The following GALNT13 variants were observed in gnomAD, a reference collection of about 807,000 sequenced individuals.
GALNT13 encodes the protein UDP-GalNAc:polypeptide N-acetylgalactosaminyltransferase 13.
In GALNT13, 28 loss-of-function variants were observed where a neutral mutation model predicts 64.2. The observed-to-expected ratio is 0.44, with a 90% CI of 0.32 to 0.60. GALNT13 has a LOEUF of 0.60. GALNT13 is among the 20% of genes least tolerant of loss of function. The pLI is 0.05. For missense variants in GALNT13, 577 were observed against 669.8 expected, an observed-to-expected ratio of 0.86 and a Z score of 1.53; for synonymous variants, 214 against 224.6, an observed-to-expected ratio of 0.95 and a Z score of 0.42.
At chr2:153,654,269 T>G in the GALNT13 span, among the ~76,000 whole-genome samples, 1 of 152,124 alleles carries the variant, frequency 6.6e-6, no homozygotes, top group Non-Finnish European at 1.5e-5. Flanking sequence ...ATTTAAATAG[T>G]CTTATAAGAC....
chr2:153,737,044 C>T, the GALNT13 span, among the ~76,000 whole-genome samples: 2 of 152,192 alleles, frequency 1.3e-5, no homozygotes, highest in African/African-American at 2.4e-5. Flanking sequence ...GTTCTATCAT[C>T]GGGCTGGCAC....
At chr2:153,970,703 A>T (rs1693682272) in intron 3 of GALNT13, among the ~76,000 whole-genome samples, 1 of 152,268 alleles carries the variant, frequency 6.6e-6, no homozygotes, top group African/African-American at 2.4e-5. Flanking sequence ...CTCATCTTTC[A>T]TCAAAAGCTT....
chr2:153,886,334 G>A (rs763287155), intron 1 of GALNT13, among the ~76,000 whole-genome samples: 5 of 151,616 alleles, frequency 3.3e-5, no homozygotes, highest in Non-Finnish European at 7.4e-5. Context: ...TTAACATTAG[G>A]TATATCTCCT....
chr2:153,393,846 C>T, the GALNT13 span, among the ~76,000 whole-genome samples: 1 of 151,944 alleles, frequency 6.6e-6, no homozygotes, highest in Non-Finnish European at 1.5e-5. Context: ...TTCCCTGGGT[C>T]TCCATCCTGC....
chr2:153,967,299 A>T (rs1270430579), intron 3 of GALNT13, among the ~76,000 whole-genome samples: 1 of 152,078 alleles, frequency 6.6e-6, no homozygotes, highest in Non-Finnish European at 1.5e-5. Flanking sequence ...ATGTTTGTTG[A>T]TATCTGGGCA....
At chr2:153,245,889 C>CT in the GALNT13 span, among the ~76,000 whole-genome samples, 1 of 151,932 alleles carries the variant, frequency 6.6e-6, no homozygotes, top group Non-Finnish European at 1.5e-5. Flanking sequence ...TGCAAGCAGG[C>CT]TAAGAATCTT....
At chr2:154,389,940 G>C (rs964194582) in intron 9 of GALNT13, among the ~76,000 whole-genome samples, 4 of 152,154 alleles carry the variant, frequency 2.6e-5, no homozygotes, top group African/African-American at 7.2e-5. Context: ...TCACTGTCCA[G>C]ATGCAGTGAT....
intron 4 of GALNT13, among the ~76,000 whole-genome samples, chr2:154,166,787 T>G (rs1012730621): frequency 7.2e-5 from 11 of 152,288 alleles, no homozygotes; most frequent in South Asian, 4.1e-4. Context: ...CCATGGAATA[T>G]TATGCAGCCA....
At chr2:154,227,638 T>A (rs1685439126) in intron 4 of GALNT13, among the ~76,000 whole-genome samples, 1 of 151,612 alleles carries the variant, frequency 6.6e-6, no homozygotes, top group Non-Finnish European at 1.5e-5. Context: ...GTTTCATCCA[T>A]GTCCCTACGA....
chr2:153,976,981 C>T (rs552441245), intron 3 of GALNT13, among the ~76,000 whole-genome samples: 19 of 152,130 alleles, frequency 1.2e-4, no homozygotes, highest in African/African-American at 3.4e-4. Flanking sequence ...AGAGGGCATA[C>T]TAGTCATAAT....
chr2:153,835,742 C>T, the GALNT13 span, among the ~76,000 whole-genome samples: 4 of 151,988 alleles, frequency 2.6e-5, no homozygotes, highest in African/African-American at 9.7e-5. Context: ...GCTATCACTT[C>T]CTGTCATATT....
At chr2:153,189,766 C>G in the GALNT13 span, among the ~76,000 whole-genome samples, 183 of 152,140 alleles carry the variant, frequency 1.2e-3, no homozygotes, top group African/African-American at 4.1e-3. Context: ...GCATCTGTTA[C>G]TTTTGATCTT....
the GALNT13 span, among the ~76,000 whole-genome samples, chr2:153,695,674 A>G: frequency 2.6e-5 from 4 of 152,108 alleles, no homozygotes; most frequent in African/African-American, 7.2e-5. Flanking sequence ...CATTTTAATA[A>G]AGTTATTGTT....
chr2:153,692,378 C>G, the GALNT13 span, among the ~76,000 whole-genome samples: 5 of 151,944 alleles, frequency 3.3e-5, no homozygotes, highest in Non-Finnish European at 7.4e-5. Context: ...ATAATGAATC[C>G]CTGCAAATAT....
chr2:153,932,626 C>CTTTTTTTTTTTTTTT (rs34617568), intron 2 of GALNT13, among the ~76,000 whole-genome samples: 1 of 95,648 alleles, frequency 1.0e-5, no homozygotes, highest in African/African-American at 4.4e-5. Context: ...TTCTGTCTTT[C>CTTTTTTTTTTTTTTT]TTTTTTTTTT....
At chr2:154,173,757 A>G (rs1685494611) in intron 4 of GALNT13, among the ~76,000 whole-genome samples, 1 of 152,156 alleles carries the variant, frequency 6.6e-6, no homozygotes, top group Non-Finnish European at 1.5e-5. Flanking sequence ...GAAGACATAC[A>G]AAAGGCCCTC....
intron 9 of GALNT13, among the ~76,000 whole-genome samples, chr2:154,310,762 C>A (rs1004866676): frequency 6.6e-6 from 1 of 151,990 alleles, no homozygotes; most frequent in Non-Finnish European, 1.5e-5. Context: ...TAATTCAAAT[C>A]CTGACTCTAC....
the GALNT13 span, among the ~76,000 whole-genome samples, chr2:153,423,216 G>A: frequency 1.3e-5 from 2 of 151,580 alleles, no homozygotes; most frequent in South Asian, 2.1e-4. Flanking sequence ...ATGTTAAAAC[G>A]TGATAAATTA....
At chr2:153,976,630 T>C (rs1475894316) in intron 3 of GALNT13, among the ~76,000 whole-genome samples, 2 of 152,164 alleles carry the variant, frequency 1.3e-5, no homozygotes, top group Non-Finnish European at 2.9e-5. Flanking sequence ...AATAAATGGT[T>C]GAGGTAATAG....
Sources: allele counts gnomAD v4.1 joint callset (sites outside exome capture counted in the v4.1 genomes callset), GRCh38; gene constraint gnomAD v4.1.1; transcripts MANE v1.5; gene names NCBI Gene and HGNC (gene_info 2026-07-23, HGNC 2026-07-21).